Variants in CLN6 observed in about 807,000 individuals in gnomAD.
CLN6 encodes ceroid-lipofuscinosis neuronal protein 6.
A neutral mutation model predicts 33.3 loss-of-function variants in CLN6; 22 were observed. The observed-to-expected ratio is 0.66, with a 90% CI of 0.47 to 0.94. CLN6 has a LOEUF of 0.94. Among genes scored for constraint, CLN6 ranks in the 40% least tolerant of loss-of-function variants. CLN6 has a pLI of 0.00. For synonymous variants in CLN6, 201 were observed against 174.6 expected (o/e 1.15, Z -1.19); for missense variants, 387 against 417.1 (o/e 0.93, Z 0.63).
intron 1 of CLN6, chr15:68,254,601 G>A (rs1388737999): frequency 1.3e-5 from 8 of 594,500 alleles, no homozygotes; most frequent in South Asian, 1.9e-5. Context: ...CGCTCCCAGC[G>A]CCTATGTCCC....
At chr15:68,221,501 G>A (rs2093235843) in intron 1 of CLN6, among the ~76,000 whole-genome samples, 1 of 151,938 alleles carries the variant, frequency 6.6e-6, no homozygotes, top group South Asian at 2.1e-4. Context: ...CGAGGTGCTG[G>A]GATTGCAGAC....
rs1469429404 is a variant in CLN6 at position 68,242,895 on chromosome 15, G to A, written c.179+13795C>T. ...AGAGTCAGACCTTATCTTCATTTCT[G>A]TCTAATGTCCTAAGCTCCACCCCAG... On this transcript the variant is annotated intron_variant, in intron 1 of 6. Coordinates refer to the CLN6 transcript ENST00000538696. The surrounding 1 kb of genome is among the most constrained non-coding windows in gnomAD (Gnocchi z 5.0). Among the ~76,000 whole-genome samples the A allele has an allele frequency of 6.6e-6, 1 of 152,148 alleles. No homozygotes were observed. Among genetic ancestry groups the A allele is most frequent in the Non-Finnish European group, 1.5e-5 (1 of 68,024 alleles).
upstream of CLN6, among the ~76,000 whole-genome samples, chr15:68,231,299 T>G: frequency 6.6e-6 from 1 of 151,974 alleles, no homozygotes; most frequent in East Asian, 1.9e-4. Context: ...ACACATTTGC[T>G]TTAAAGCTTT....
At position 68,242,151 on chromosome 15, in the gene CLN6, C is replaced by T. The variant is rs532574155; in HGVS notation, c.179+14539G>A. ...TATGTGAGCTCTCTGACCAAGAATT[C>T]AAAATAGCAGTTTTAAGGAAACTCA... On this transcript the variant is annotated intron_variant, in intron 1 of 6. Coordinates refer to the CLN6 transcript ENST00000538696. The surrounding 1 kb of genome is among the most constrained non-coding windows in gnomAD (Gnocchi z 5.0). Among the ~76,000 whole-genome samples, 30 of 152,194 alleles carry T rather than the reference C, an allele frequency of 2.0e-4. No homozygotes were observed. The highest frequency in any genetic ancestry group is 7.2e-4 in the African/African-American group (30 of 41,530).
chr15:68,256,477 T>A lies in CLN6; in HGVS notation c.179+213A>T, dbSNP rs188452899. ...ACATATGTGGCTCGCACTGTATTTC[T>A]GTTGGGCAGCACTGCTCTAGCCGTT... is the stretch of plus-strand genomic sequence containing the variant. On this transcript the variant is annotated intron_variant, in intron 1 of 6. Transcript: ENST00000538696. The surrounding 1 kb of genome is among the most constrained non-coding windows in gnomAD (Gnocchi z 4.1). Among the ~76,000 whole-genome samples, 72 of 145,410 alleles carry A rather than the reference T, an allele frequency of 5.0e-4. No individual in the cohort carries two copies. Among genetic ancestry groups the A allele is most frequent in the African/African-American group, 1.6e-3 (67 of 40,678 alleles).
At chr15:68,250,045 A>G (rs1270180905) in intron 1 of CLN6, among the ~76,000 whole-genome samples, 1 of 152,130 alleles carries the variant, frequency 6.6e-6, no homozygotes, top group African/African-American at 2.4e-5. Flanking sequence ...TGCTGGGATT[A>G]GAGGCGTGAG....
chr15:68,249,443 A>G (rs1892356166), intron 1 of CLN6, among the ~76,000 whole-genome samples: 1 of 152,246 alleles, frequency 6.6e-6, no homozygotes, highest in Admixed American at 6.5e-5. Flanking sequence ...AACTGAATGT[A>G]TGGATAAAGA....
rs1191694409 is a variant in CLN6 at position 68,247,159 on chromosome 15, C to T, written c.179+9531G>A. Reference sequence around the variant, plus strand: ...TCAACATAGTATTGGAAGTCCTGTCCATAGCAATTAGGCAAGAGAAAGAAA... The same window carrying T: ...TCAACATAGTATTGGAAGTCCTGTCTATAGCAATTAGGCAAGAGAAAGAAA... On this transcript the variant is annotated intron_variant, in intron 1 of 6. Coordinates refer to the CLN6 transcript ENST00000538696. This position sits in a 1 kb window ranked among gnomAD's most constrained non-coding sequence, Gnocchi z 4.2. Among the ~76,000 whole-genome samples the T allele has an allele frequency of 6.6e-6, 1 of 151,986 alleles. No individual in the cohort carries two copies. Among genetic ancestry groups the T allele is most frequent in the Non-Finnish European group, 1.5e-5 (1 of 68,034 alleles).
chr15:68,245,565 C>CAAACA (rs1424965835), intron 1 of CLN6, among the ~76,000 whole-genome samples: 16 of 115,490 alleles, frequency 1.4e-4, no homozygotes, highest in East Asian at 6.1e-4. Flanking sequence ...AACCCTGTCT[C>CAAACA]AAACAAAACA....
At chr15:68,243,437 G>A (rs1892296287) in intron 1 of CLN6, among the ~76,000 whole-genome samples, 1 of 152,158 alleles carries the variant, frequency 6.6e-6, no homozygotes, top group Non-Finnish European at 1.5e-5. Context: ...AATTAAGACT[G>A]GATAGATATA....
Position 68,211,939 on chromosome 15 carries a change from C to T in CLN6, c.298-76G>A. 6.9e-7 allele frequency: 1 copy of T among 1,452,048 alleles called. No individual in the cohort carries two copies. Among genetic ancestry groups the T allele is most frequent in the Non-Finnish European group, 9.6e-7 (1 of 1,046,624 alleles). The allele number at this position is 1,452,048 out of a possible 1,614,324, so 89.9% of individuals were successfully genotyped here. A position where few individuals can be genotyped will look rare whatever the true frequency, so the allele number is the denominator to read the frequency against. On this transcript the variant is annotated intron_variant, in intron 3 of 6. Transcript: ENST00000249806. This position sits in a 1 kb window ranked among gnomAD's most constrained non-coding sequence, Gnocchi z 5.9. ...GTGACACCCTCTGCTTCCCCCCTCA[C>T]ACCTGGGGTGGGATGGACGCTTCCA...
chr15:68,255,323 G>A (rs916804837), intron 1 of CLN6, among the ~76,000 whole-genome samples: 9 of 152,100 alleles, frequency 5.9e-5, no homozygotes, highest in African/African-American at 1.9e-4. Flanking sequence ...CCCAATAATT[G>A]GTTACTGGTG....
chr15:68,235,513 T>C (rs1055840767), intron 1 of CLN6, among the ~76,000 whole-genome samples: 1 of 151,136 alleles, frequency 6.6e-6, no homozygotes, highest in Admixed American at 6.6e-5. Context: ...AAGATTGCAT[T>C]GAGCCGAGAT....
At chr15:68,229,350 A>G in intron 1 of CLN6, 152 bp downstream of exon 1, 1 of 472,350 alleles carries the variant, frequency 2.1e-6, no homozygotes, top group Non-Finnish European at 3.4e-6. Flanking sequence ...CCGCCACGGT[A>G]GCGCGCCTCC....
rs1260077597 is a variant in CLN6, at chr15:68,256,340, C to G, written c.179+350G>C. On this transcript the variant is annotated intron_variant, in intron 1 of 6. Transcript: ENST00000538696. This position sits in a 1 kb window ranked among gnomAD's most constrained non-coding sequence, Gnocchi z 4.1. ...GCCAGGCTGGTTGAGAACTCCTGACCTCAAGTGATCCGCCTGCCTCTGCCT... is the reference window on the plus strand; with the variant it reads ...GCCAGGCTGGTTGAGAACTCCTGACGTCAAGTGATCCGCCTGCCTCTGCCT... 1.3e-5 allele frequency among the ~76,000 whole-genome samples: 2 copies of G among 151,652 alleles called. No homozygotes were observed. Among genetic ancestry groups the G allele is most frequent in the African/African-American group, 4.8e-5 (2 of 41,286 alleles).
chr15:68,216,907 G>A (rs555749650), intron 2 of CLN6, among the ~76,000 whole-genome samples: 1 of 152,350 alleles, frequency 6.6e-6, no homozygotes, highest in East Asian at 1.9e-4. Flanking sequence ...TCAGAAAGGG[G>A]CTCCAGGGCC....
rs1019236248 is a variant in CLN6, at chr15:68,208,033, C to T, written c.*107G>A. The stretch of plus-strand genomic sequence containing the variant: ...GCACACGAGGCACACCCCACTCATG[C>T]TCTCGGTCTCTGGTTACACACCCAC... On this transcript the variant is annotated 3_prime_UTR_variant, in exon 7 of 7. Transcript: ENST00000249806. The surrounding 1 kb of genome is among the most constrained non-coding windows in gnomAD (Gnocchi z 5.8). 34 of 1,243,990 alleles carry T rather than the reference C, an allele frequency of 2.7e-5. No homozygotes were observed. Among genetic ancestry groups the T allele is most frequent in the Non-Finnish European group, 3.9e-5 (34 of 878,736 alleles). 77.1% of individuals were successfully genotyped at this position (1,243,990 alleles called of 1,614,324 possible).
intron 1 of CLN6, among the ~76,000 whole-genome samples, chr15:68,243,227 A>G (rs993096870): frequency 1.3e-5 from 2 of 152,226 alleles, no homozygotes; most frequent in African/African-American, 4.8e-5. Context: ...CTGTGAGTAT[A>G]AACAAGTTGG....
chr15:68,222,008 A>G (rs1207725979), intron 1 of CLN6, among the ~76,000 whole-genome samples: 146 of 64,600 alleles, frequency 2.3e-3, no homozygotes, highest in East Asian at 3.6e-3. Flanking sequence ...GGGAGGTGAG[A>G]AGCGCCTCTG....
Sources: allele counts gnomAD v4.1 joint callset (sites outside exome capture counted in the v4.1 genomes callset), GRCh38; gene constraint gnomAD v4.1.1; non-coding constraint Gnocchi (gnomAD v3.1); transcripts MANE v1.5; gene names NCBI Gene and HGNC (gene_info 2026-07-23, HGNC 2026-07-21).